ASH1L: variants seen among roughly 807,000 people sequenced by gnomAD.
ASH1L encodes histone-lysine N-methyltransferase ASH1L.
In ASH1L, 23 loss-of-function variants were observed where a neutral mutation model predicts 269.0. That is an observed-to-expected ratio of 0.09 (90% CI 0.06 to 0.12). ASH1L has a LOEUF of 0.12. Ranked by LOEUF, ASH1L falls within the 10% of genes least tolerant of loss-of-function variation. The probability of loss-of-function intolerance (pLI) is 1.00; values close to 1 mark genes in which losing one functional copy is unlikely to be tolerated. For synonymous variants in ASH1L, 1,187 were observed against 1,253.5 expected (o/e 0.95, Z 1.12); for missense variants, 2,912 against 3,567.8 (o/e 0.82, Z 4.68).
rs1230895607 is a variant in ASH1L at position 155,424,549 on chromosome 1, G to A, written c.5829-8626C>T. Among the ~76,000 whole-genome samples the A allele has an allele frequency of 2.6e-5, 4 of 151,308 alleles. No individual in the cohort carries two copies. The South Asian group carries it at 6.3e-4, about 24-fold the overall frequency. On this transcript the variant is annotated intron_variant, in intron 5 of 27. Coordinates refer to ENST00000392403, the MANE Select transcript of ASH1L (RefSeq NM_018489.3). ...CAGCCTCCCGAGTACCTGGGATTACGGGCATGCGCCACTACGCCGGGCTAA... is the reference window on the plus strand; with the variant it reads ...CAGCCTCCCGAGTACCTGGGATTACAGGCATGCGCCACTACGCCGGGCTAA...
intron 1 of ASH1L, among the ~76,000 whole-genome samples, chr1:155,531,557 T>A (rs901354393): frequency 1.8e-4 from 27 of 152,058 alleles, no homozygotes; most frequent in African/African-American, 5.5e-4. Flanking sequence ...TGAAAAAAAA[T>A]TATAAAACTT....
rs60206113 is a variant in ASH1L at position 155,443,979 on chromosome 1, C to CTTTTTTTT, written c.5087-4919_5087-4912dup. 1.1e-4 allele frequency among the ~76,000 whole-genome samples: 12 copies of CTTTTTTTT among 105,752 alleles called. 1 individual carries two copies. The highest frequency in any genetic ancestry group is 3.6e-4 in the African/African-American group (9 of 25,268). 69.4% of individuals were successfully genotyped at this position (105,752 alleles called of 152,430 possible). A position where few individuals can be genotyped will look rare whatever the true frequency, so the allele number is the denominator to read the frequency against. ...ATACCTAAGACTGGAATTACTAAAT[C>CTTTTTTTT]TTTTTTTTTTTTTTTTTTTTTTGCG... On this transcript the variant is annotated intron_variant, in intron 4 of 27. Coordinates refer to ENST00000392403, the MANE Select transcript of ASH1L (RefSeq NM_018489.3).
At chr1:155,563,108 C>T (rs1207250133), upstream of ASH1L, 3 of 457,558 alleles carry the variant, frequency 6.6e-6, no homozygotes, top group East Asian at 1.4e-4. Context: ...TGCGGCTCGC[C>T]TCCCTCTGCT....
At chr1:155,495,303 A>C (rs986989395) in intron 2 of ASH1L, among the ~76,000 whole-genome samples, 1 of 152,154 alleles carries the variant, frequency 6.6e-6, no homozygotes, top group Non-Finnish European at 1.5e-5. Context: ...TCATTGTATG[A>C]TCATAGTGTG....
chr1:155,530,658 C>T (rs1197178311), intron 1 of ASH1L, among the ~76,000 whole-genome samples: 1 of 151,316 alleles, frequency 6.6e-6, no homozygotes, highest in African/African-American at 2.4e-5. Context: ...ACTGTTTGAA[C>T]ACAGGAGGTG....
intron 17 of ASH1L, among the ~76,000 whole-genome samples, chr1:155,350,367 G>C (rs561528332): frequency 4.6e-5 from 7 of 152,180 alleles, no homozygotes; most frequent in Admixed American, 4.6e-4. Flanking sequence ...CACTTTTTCA[G>C]ATATGTAGAT....
intron 2 of ASH1L, among the ~76,000 whole-genome samples, chr1:155,513,677 T>C (rs569792898): frequency 6.6e-6 from 1 of 151,744 alleles, no homozygotes; most frequent in South Asian, 2.1e-4. Flanking sequence ...CACTTCCACA[T>C]ATATACATAC....
chr1:155,556,069 T>C (rs189722966), intron 1 of ASH1L, among the ~76,000 whole-genome samples: 2 of 152,320 alleles, frequency 1.3e-5, no homozygotes, highest in Non-Finnish European at 2.9e-5. Context: ...TTTCTATATA[T>C]GTTTGCAATT....
At chr1:155,517,789 A>ATTT (rs1221588628) in intron 2 of ASH1L, among the ~76,000 whole-genome samples, 1 of 127,102 alleles carries the variant, frequency 7.9e-6, no homozygotes, top group African/African-American at 3.0e-5. Context: ...ATGGCCAATA[A>ATTT]TTTCTTTTTT....
chr1:155,549,269 G>C (rs1021342985), intron 1 of ASH1L, among the ~76,000 whole-genome samples: 2 of 152,220 alleles, frequency 1.3e-5, no homozygotes, highest in African/African-American at 4.8e-5. Flanking sequence ...CTTTACCTGA[G>C]GAGTTTGAGG....
chr1:155,531,088 T>C (rs1458934245), intron 1 of ASH1L, among the ~76,000 whole-genome samples: 1 of 150,910 alleles, frequency 6.6e-6, no homozygotes, highest in Admixed American at 6.6e-5. Context: ...AGCCCAAGTG[T>C]TCAACACTGG....
intron 1 of ASH1L, among the ~76,000 whole-genome samples, chr1:155,555,765 T>C (rs1291241856): frequency 1.3e-5 from 2 of 152,196 alleles, no homozygotes; most frequent in African/African-American, 4.8e-5. Context: ...TGATAAGTAA[T>C]ATGGATTAGA....
chr1:155,344,295 T>C, intron 21 of ASH1L, 22 bp from the exon 22 acceptor site: 1 of 1,570,552 alleles, frequency 6.4e-7, no homozygotes, highest in Non-Finnish European at 8.8e-7. Context: ...AGAAAGCCAA[T>C]GTATAAGGGC....
rs1182340932 is a variant in ASH1L at position 155,478,175 on chromosome 1, A to G, written c.4695T>C (p.Ser1565=). Residue 1565 remains serine (S), a synonymous_variant, in exon 3 of 28, where the codon AGT becomes AGC. Transcript: ENST00000392403. This position sits in a 1 kb window ranked among gnomAD's most constrained non-coding sequence, Gnocchi z 4.6. ...QWVHREPSES[S]PLALGLQTPL... ...GTGTCTGCAATCCCAAGGCCAATGG[A>G]CTAGATTCTGAAGGCTCTCGGTGGA... 1.9e-6 allele frequency: 3 copies of G among 1,613,936 alleles called. No homozygotes were observed.
intron 10 of ASH1L, among the ~76,000 whole-genome samples, chr1:155,372,533 T>C (rs919154684): frequency 2.0e-5 from 3 of 151,992 alleles, no homozygotes; most frequent in Non-Finnish European, 4.4e-5. Context: ...GGTCTCGAAC[T>C]CCTGGCCTCA....
chr1:155,481,246 T>C lies in ASH1L; in HGVS notation c.1624A>G (p.Thr542Ala). Residue 542 changes from threonine to alanine, a missense_variant, in exon 3 of 28, where the codon ACC becomes GCC. Transcript: ENST00000392403. ...ACTGCACTGAATGGGGATTTAGCGG[T>C]AGATACATCAGAAGCACCTCCCATT... ...FKMGGASDVSTAKSPFSAVGE... is the reference protein window; with the variant it reads ...FKMGGASDVSAAKSPFSAVGE... The C allele has an allele frequency of 2.5e-6, 4 of 1,614,058 alleles. No homozygotes were observed. The highest frequency in any genetic ancestry group is 2.2e-5 in the East Asian group (1 of 44,872).
intron 3 of ASH1L, among the ~76,000 whole-genome samples, chr1:155,472,268 T>A (rs1665162459): frequency 6.6e-6 from 1 of 152,154 alleles, no homozygotes; most frequent in Admixed American, 6.5e-5. Context: ...CTAGCCTGGA[T>A]GACAGAGAGA....
At position 155,479,394 on chromosome 1, in the gene ASH1L, C is replaced by T. The variant is rs753409136; in HGVS notation, c.3476G>A (p.Arg1159Lys). ...CAACAAAGTAGGAGGAGATAACCGCCTCCTCCCCTTTGAGGCCTTCTTCAT... is the reference window on the plus strand; with the variant it reads ...CAACAAAGTAGGAGGAGATAACCGCTTCCTCCCCTTTGAGGCCTTCTTCAT... ...LAMKKASKGR[R>K]RLSPPTLLPN... The change falls in exon 3 of 28, where the codon AGG (arginine) becomes AAG (lysine). Residue 1159 changes from arginine (R) to lysine (K), a missense_variant. Arg to Lys is a conservative substitution (Grantham distance 26). Around this residue, in one of 13 missense-constraint regions of ASH1L, gnomAD observed 157 missense variants for 154.6 expected, o/e 1.02. Coordinates refer to ENST00000392403, the MANE Select transcript of ASH1L (RefSeq NM_018489.3). The T allele has an allele frequency of 1.2e-6, 2 of 1,614,098 alleles. No homozygotes were observed. The highest frequency in any genetic ancestry group is 1.7e-6 in the Non-Finnish European group (2 of 1,180,020).
At chr1:155,431,207 C>T (rs1169505513) in intron 5 of ASH1L, among the ~76,000 whole-genome samples, 2 of 150,848 alleles carry the variant, frequency 1.3e-5, no homozygotes, top group African/African-American at 2.4e-5. Context: ...GCCGTCTCAA[C>T]AACAACAAAA....
Sources: allele counts gnomAD v4.1 joint callset (sites outside exome capture counted in the v4.1 genomes callset), GRCh38; gene constraint gnomAD v4.1.1; regional missense constraint gnomAD v4.1.1; non-coding constraint Gnocchi (gnomAD v3.1); transcripts MANE v1.5; gene names NCBI Gene and HGNC (gene_info 2026-07-23, HGNC 2026-07-21).